The following CEP120 variants were observed in gnomAD, a reference collection of about 807,000 sequenced individuals.
The protein encoded by CEP120 is centrosomal protein 120, also known as centrosomal protein of 120 kDa.
Under a neutral mutation model 126.5 loss-of-function variants are expected in CEP120, and 113 were observed. The observed-to-expected ratio is 0.89, with a 90% CI of 0.77 to 1.04. The LOEUF (loss-of-function observed/expected upper bound fraction) is 1.04. Ranked by LOEUF, CEP120 falls within the 50% of genes least tolerant of loss-of-function variation. The pLI is 0.00. For synonymous variants in CEP120, 400 were observed against 394.3 expected (o/e 1.01, Z -0.17); for missense variants, 1,230 against 1,155.7 (o/e 1.06, Z -0.93).
intron 4 of CEP120, among the ~76,000 whole-genome samples, chr5:123,399,704 G>C (rs1461034025): frequency 6.6e-6 from 1 of 152,168 alleles, no homozygotes; most frequent in Admixed American, 6.5e-5. Flanking sequence ...AAGCATGTGT[G>C]AGAAAACTGA....
At chr5:123,388,013 C>CA (rs148253525) in intron 9 of CEP120, among the ~76,000 whole-genome samples, 3 of 151,158 alleles carry the variant, frequency 2.0e-5, no homozygotes, top group South Asian at 2.1e-4. Context: ...AATACACTAC[C>CA]TTTTTGACCA....
intron 16 of CEP120, among the ~76,000 whole-genome samples, chr5:123,373,151 C>G (rs1770966118): frequency 6.6e-6 from 1 of 152,002 alleles, no homozygotes; most frequent in Admixed American, 6.6e-5. Context: ...GGAACAAACA[C>G]ATTTCAACAC....
chr5:123,385,674 T>C (rs942932052), intron 10 of CEP120, among the ~76,000 whole-genome samples: 13 of 151,674 alleles, frequency 8.6e-5, no homozygotes, highest in Non-Finnish European at 1.5e-4. Flanking sequence ...TGCTGTGCAA[T>C]GGCATAATCA....
intron 4 of CEP120, among the ~76,000 whole-genome samples, chr5:123,409,678 C>T (rs867295231): frequency 1.3e-5 from 2 of 152,180 alleles, no homozygotes; most frequent in Middle Eastern, 6.8e-3. Context: ...TTAAAAAAGG[C>T]CAGGTGTGGT....
chr5:123,382,061 T>C (rs1562038606), intron 14 of CEP120, 50 bp downstream of exon 14: 2 of 1,230,094 alleles, frequency 1.6e-6, no homozygotes, highest in Non-Finnish European at 2.3e-6. Context: ...ATACAAGATA[T>C]TATCATTAAT....
At chr5:123,411,727 G>A (rs1179571975) in intron 4 of CEP120, among the ~76,000 whole-genome samples, 1 of 152,176 alleles carries the variant, frequency 6.6e-6, no homozygotes, top group African/African-American at 2.4e-5. Flanking sequence ...ATGATTTTTA[G>A]GGTGGTGAAA....
chr5:123,365,781 A>G (rs1343651725), intron 17 of CEP120, among the ~76,000 whole-genome samples: 2 of 151,564 alleles, frequency 1.3e-5, no homozygotes, highest in African/African-American at 2.4e-5. Context: ...AAAGAAAAAA[A>G]TATTTTTATC....
Position 123,423,036 on chromosome 5 carries a change from G to A in CEP120, c.-38C>T. On this transcript the variant is annotated 5_prime_UTR_variant, in exon 1 of 20. Transcript: ENST00000306467. Reference sequence around the variant, plus strand: ...CGGTCCGGGGGCGAAGGCGGCTGGGGGGAAGTGAGGTCCAGTTGAGTCGCG... The same window carrying A: ...CGGTCCGGGGGCGAAGGCGGCTGGGAGGAAGTGAGGTCCAGTTGAGTCGCG... The A allele has an allele frequency of 6.3e-7, 1 of 1,579,798 alleles. No homozygotes were observed. Among genetic ancestry groups the A allele is most frequent in the Non-Finnish European group, 8.7e-7 (1 of 1,149,458 alleles).
rs116211492 is a variant in CEP120 at position 123,394,436 on chromosome 5, G to A, written c.613-939C>T. ...ACATGTGTAGTTGACAATAAGGTTC[G>A]TGCTCCTATGAAAATCTAATGCCAC... On this transcript the variant is annotated intron_variant, in intron 5 of 19. Coordinates refer to ENST00000306467, the MANE Select transcript of CEP120 (RefSeq NM_001375405.1). Among the ~76,000 whole-genome samples, 137 of 152,250 alleles carry A rather than the reference G, an allele frequency of 9.0e-4. No individual in the cohort carries two copies. In the Middle Eastern group the frequency reaches 0.01, roughly 11 times the overall value.
intron 7 of CEP120, chr5:123,390,892 G>T: frequency 2.3e-6 from 1 of 440,004 alleles, no homozygotes; most frequent in Non-Finnish European, 4.0e-6. Context: ...TACACAAAAA[G>T]ACTGTCTCAA....
intron 3 of CEP120, 140 bp downstream of exon 3, chr5:123,415,870 A>AG (rs1209261048): frequency 1.4e-4 from 76 of 541,552 alleles, no homozygotes; most frequent in Middle Eastern, 9.3e-4. Flanking sequence ...TCCGTCTCAA[A>AG]AAAAAAAAGA....
chr5:123,389,386 T>G (rs1580697360), intron 8 of CEP120, among the ~76,000 whole-genome samples: 1 of 152,362 alleles, frequency 6.6e-6, no homozygotes, highest in East Asian at 1.9e-4. Context: ...TTGAATAGGA[T>G]ATTTCCAGTG....
In CEP120 at chr5:123,406,393, C is replaced by CAA. The variant is rs34705532; in HGVS notation, c.463+6004_463+6005dup. On this transcript the variant is annotated intron_variant, in intron 4 of 19. Transcript: ENST00000306467. ...AGAGAACACTAAGCAGGATAAATGCCAAAAAAAAAAAAACTTGCTGCTAGG... is the reference window on the plus strand; with the variant it reads ...AGAGAACACTAAGCAGGATAAATGCCAAAAAAAAAAAAAAACTTGCTGCTAGG... Among the ~76,000 whole-genome samples, 759 of 131,608 alleles carry CAA rather than the reference C, an allele frequency of 5.8e-3. 6 individuals carry two copies. The highest frequency in any genetic ancestry group is 0.016 in the African/African-American group (555 of 35,708). The allele number at this position is 131,608 out of a possible 152,430, so 86.3% of individuals were successfully genotyped here.
intron 6 of CEP120, among the ~76,000 whole-genome samples, chr5:123,391,888 A>G (rs1326813675): frequency 2.4e-4 from 36 of 152,090 alleles, no homozygotes; most frequent in Admixed American, 2.4e-3. Flanking sequence ...AAGTAAAAGA[A>G]TATCTCTGGA....
At chr5:123,422,922 T>C in intron 1 of CEP120, 28 bp downstream of exon 1, 1 of 1,609,812 alleles carries the variant, frequency 6.2e-7, no homozygotes, top group Non-Finnish European at 8.5e-7. Flanking sequence ...GAGGCAGCAG[T>C]TGCAAAAGCA....
chr5:123,411,938 T>C (rs1774086766), intron 4 of CEP120, among the ~76,000 whole-genome samples: 1 of 152,230 alleles, frequency 6.6e-6, no homozygotes, highest in Non-Finnish European at 1.5e-5. Context: ...GCTGCAAGTA[T>C]GTGGGGACAG....
rs772596480 is a variant in CEP120, at chr5:123,364,528, G to T, written c.2548C>A (p.Arg850=). The T allele has an allele frequency of 6.2e-7, 1 of 1,606,540 alleles. No individual in the cohort carries two copies. Among genetic ancestry groups the T allele is most frequent in the East Asian group, 2.2e-5 (1 of 44,614 alleles). ...SKLHYKQQWG[R]ALKELARLKQ... ...AGTCTGGCAAGTTCTTTCAAAGCTC[G>T]TCCCCACTGCTGCTTGTAATGCAGT... The change falls in exon 18 of 20, where the codon CGA becomes AGA. Residue 850 remains arginine, a synonymous_variant. Transcript: ENST00000306467.
intron 4 of CEP120, chr5:123,403,493 T>C (rs549510854): frequency 2.6e-5 from 9 of 344,586 alleles, no homozygotes; most frequent in African/African-American, 1.5e-4. Context: ...AACTGTAAAT[T>C]CACACTGATA....
At chr5:123,357,691 G>A (rs927610056) in intron 18 of CEP120, among the ~76,000 whole-genome samples, 1 of 152,118 alleles carries the variant, frequency 6.6e-6, no homozygotes, top group Non-Finnish European at 1.5e-5. Context: ...CTAGGAGGTC[G>A]AGGCTGCAGT....
Sources: allele counts gnomAD v4.1 joint callset (sites outside exome capture counted in the v4.1 genomes callset), GRCh38; gene constraint gnomAD v4.1.1; transcripts MANE v1.5; gene names NCBI Gene and HGNC (gene_info 2026-07-23, HGNC 2026-07-21).